Variants in SYK observed in about 807,000 individuals in gnomAD.
SYK encodes tyrosine-protein kinase SYK.
A neutral mutation model predicts 77.8 loss-of-function variants in SYK; 16 were observed. The observed-to-expected ratio is 0.21, with a 90% CI of 0.14 to 0.31. SYK has a LOEUF of 0.31. Ranked by LOEUF, SYK falls within the 10% of genes least tolerant of loss-of-function variation. SYK has a pLI of 1.00. For synonymous variants in SYK, 312 were observed against 308.7 expected, an observed-to-expected ratio of 1.01 and a Z score of -0.11; for missense variants, 529 against 814.4, an observed-to-expected ratio of 0.65 and a Z score of 4.26.
chr9:90,888,427 C>T (rs1281441722), intron 12 of SYK, 88 bp from the exon 13 acceptor site: 5 of 886,024 alleles, frequency 5.6e-6, no homozygotes. Flanking sequence ...ACAATGTGTA[C>T]TCCTTCATGT....
In SYK at chr9:90,840,564, A is replaced by G. The variant is rs971261001; in HGVS notation, c.-41-3294A>G. ...AAACCCCGTCTCTTCTAAAAAAAAA[A>G]AAAAAAAAAAAACTGTAGAAAGGGG... is the stretch of plus-strand genomic sequence containing the variant. On this transcript the variant is annotated intron_variant, in intron 1 of 13. Transcript: ENST00000375754. 3.3e-5 allele frequency among the ~76,000 whole-genome samples: 5 copies of G among 151,656 alleles called. No individual in the cohort carries two copies. The East Asian group carries it at 9.6e-4, about 29-fold the overall frequency.
At chr9:90,831,329 G>A (rs1825884154) in intron 1 of SYK, among the ~76,000 whole-genome samples, 1 of 152,224 alleles carries the variant, frequency 6.6e-6, no homozygotes, top group South Asian at 2.1e-4. Context: ...GAATCTCAGG[G>A]CTGAGGCCCC....
chr9:90,894,929 C>A (rs1828927099), intron 13 of SYK, among the ~76,000 whole-genome samples: 1 of 152,194 alleles, frequency 6.6e-6, no homozygotes, highest in South Asian at 2.1e-4. Context: ...TAAGGTGGAT[C>A]ATAGACAAGC....
chr9:90,844,926 T>C (rs573013654), intron 2 of SYK, among the ~76,000 whole-genome samples: 1 of 147,698 alleles, frequency 6.8e-6, no homozygotes, highest in South Asian at 2.2e-4. Context: ...AGGATATGTG[T>C]GTTTATTTTT....
At chr9:90,801,626 G>T (rs147269263), upstream of SYK, among the ~76,000 whole-genome samples, 141 of 152,312 alleles carry the variant, frequency 9.3e-4, 1 homozygote, top group African/African-American at 3.3e-3. Context: ...ACCTGCCGCC[G>T]CCTGGGCCGA....
chr9:90,855,722 G>C lies in SYK; in HGVS notation c.579-6484G>C, dbSNP rs144568064. ...TGAGAGAGAGAGAGAGAGAGAGACA[G>C]ACAGAGAAAAAGAAAGAACCATCTG... On this transcript the variant is annotated intron_variant, in intron 3 of 13. Coordinates refer to ENST00000375754, the MANE Select transcript of SYK (RefSeq NM_003177.7). 4.1e-3 allele frequency among the ~76,000 whole-genome samples: 618 copies of C among 152,086 alleles called. 4 individuals are homozygous for C. Among genetic ancestry groups the C allele is most frequent in the African/African-American group, 0.014 (575 of 41,464 alleles).
chr9:90,847,893 G>A (rs779639404), intron 3 of SYK, among the ~76,000 whole-genome samples: 1 of 152,136 alleles, frequency 6.6e-6, no homozygotes, highest in East Asian at 1.9e-4. Flanking sequence ...TCCTTGTCAG[G>A]GTATCTTATG....
At chr9:90,852,980 G>T (rs544833635) in intron 3 of SYK, among the ~76,000 whole-genome samples, 1 of 152,098 alleles carries the variant, frequency 6.6e-6, no homozygotes, top group African/African-American at 2.4e-5. Context: ...CTGGGCCTAC[G>T]CAGCATGATC....
At position 90,895,573 on chromosome 9, in the gene SYK, C is replaced by A. The variant is rs200834108; in HGVS notation, c.1881C>A (p.Arg627=). The A allele has an allele frequency of 9.9e-6, 16 of 1,614,038 alleles. No individual in the cohort carries two copies. Among genetic ancestry groups the A allele is most frequent in the African/African-American group, 5.3e-5 (4 of 74,946 alleles). The stretch of plus-strand genomic sequence containing the variant: ...TCGCAGCAGTGGAACTGCGGCTGCG[C>A]AATTACTACTATGACGTGGTGAACT... ...PGFAAVELRL[R]NYYYDVVN is the part of the protein sequence containing the mutation. Residue 627 remains arginine, a synonymous_variant, in exon 14 of 14, where the codon CGC becomes CGA. Transcript: ENST00000375754. The surrounding 1 kb of genome is among the most constrained non-coding windows in gnomAD (Gnocchi z 4.4).
At chr9:90,877,857 C>T (rs1828006509) in intron 10 of SYK, 77 bp downstream of exon 10, 11 of 1,518,064 alleles carry the variant, frequency 7.2e-6, no homozygotes, top group South Asian at 1.2e-5. Flanking sequence ...GCCGAGCAGC[C>T]TGATTTCCTT....
chr9:90,838,001 C>G (rs1826152025), intron 1 of SYK, among the ~76,000 whole-genome samples: 2 of 152,198 alleles, frequency 1.3e-5, no homozygotes, highest in African/African-American at 4.8e-5. Flanking sequence ...GTCTCATCCT[C>G]AGCAACTGTG....
intron 8 of SYK, 77 bp downstream of exon 8, chr9:90,874,368 C>A: frequency 7.1e-7 from 1 of 1,403,030 alleles, no homozygotes; most frequent in Non-Finnish European, 1.0e-6. Flanking sequence ...AGTTGGTTCA[C>A]GAATCCACAC....
At chr9:90,859,738 C>G (rs890214109) in intron 3 of SYK, among the ~76,000 whole-genome samples, 1 of 152,204 alleles carries the variant, frequency 6.6e-6, no homozygotes, top group African/African-American at 2.4e-5. Flanking sequence ...TGCTGCTCCC[C>G]ACTCTCAGTA....
Position 90,812,743 on chromosome 9 carries a change from G to GTGTGTGTGTGTGTA in SYK, c.-42+10863_-42+10864insATGTGTGTGTGTGT, listed in dbSNP as rs1825129403. Among the ~76,000 whole-genome samples, 3 of 81,814 alleles carry GTGTGTGTGTGTGTA rather than the reference G, an allele frequency of 3.7e-5. No individual in the cohort carries two copies. In the Admixed American group the frequency reaches 4.3e-4, roughly 12 times the overall value. 53.7% of individuals were successfully genotyped at this position (81,814 alleles called of 152,430 possible). On this transcript the variant is annotated intron_variant, in intron 1 of 13. Coordinates refer to ENST00000375754, the MANE Select transcript of SYK (RefSeq NM_003177.7). Reference sequence around the variant, plus strand: ...AGAGTGGCTCCTCCCCATTTGATATGTGTGTGTGTGTGTGTGTGTGTGTGT... The same window carrying GTGTGTGTGTGTGTA: ...AGAGTGGCTCCTCCCCATTTGATATGTGTGTGTGTGTGTATGTGTGTGTGTGTGTGTGTGTGTGT...
chr9:90,822,572 G>A (rs1825554606), intron 1 of SYK, among the ~76,000 whole-genome samples: 1 of 152,214 alleles, frequency 6.6e-6, no homozygotes, highest in Non-Finnish European at 1.5e-5. Context: ...GAGACCGATT[G>A]TATGGCAGAT....
At chr9:90,884,370 C>CACAT (rs1564120744) in intron 11 of SYK, among the ~76,000 whole-genome samples, 34 of 142,366 alleles carry the variant, frequency 2.4e-4, no homozygotes, top group Admixed American at 4.2e-4. Flanking sequence ...TACATACATA[C>CACAT]ACACATACGT....
Position 90,862,338 on chromosome 9 carries a change from C to T in SYK, c.711C>T (p.Leu237=), listed in dbSNP as rs772672206. ...CCGAGGGAAAGAAGTTCGACACGCT[C>T]TGGCAGGTACCCAGCCTCCTCTCCC... ...SIPEGKKFDT[L]WQLVEHYSYK... The change falls in exon 4 of 14, where the codon CTC becomes CTT. Residue 237 remains leucine, a synonymous_variant. Coordinates refer to ENST00000375754, the MANE Select transcript of SYK (RefSeq NM_003177.7). 8 of 1,613,584 alleles carry T rather than the reference C, an allele frequency of 5.0e-6. No homozygotes were observed. The South Asian group carries it at 8.8e-5, about 18-fold the overall frequency.
intron 1 of SYK, among the ~76,000 whole-genome samples, chr9:90,838,341 A>C (rs955748311): frequency 6.6e-6 from 1 of 152,212 alleles, no homozygotes; most frequent in Non-Finnish European, 1.5e-5. Context: ...ACTCAAATTC[A>C]ACAGTGAATC....
chr9:90,802,370 G>A (rs1348034824), intron 1 of SYK, among the ~76,000 whole-genome samples: 2 of 152,226 alleles, frequency 1.3e-5, no homozygotes, highest in Admixed American at 6.5e-5. Flanking sequence ...GACGTCTTAT[G>A]AGCTTAGACA....
Sources: gnomAD v4.1 joint callset for allele counts (sites outside exome capture counted in the v4.1 genomes callset) on GRCh38, gnomAD v4.1.1 for gene constraint, Gnocchi (gnomAD v3.1) non-coding constraint, MANE v1.5 for transcripts, NCBI Gene and HGNC (gene_info 2026-07-23, HGNC 2026-07-21) for gene names.